PLEKHG1: variants seen among roughly 807,000 people sequenced by gnomAD.
PLEKHG1 encodes the protein pleckstrin homology and RhoGEF domain containing G1, also known as pleckstrin homology domain-containing family G member 1.
In PLEKHG1, 44 loss-of-function variants were observed where a neutral mutation model predicts 100.8. The observed-to-expected ratio is 0.44, with a 90% CI of 0.34 to 0.56. The LOEUF (loss-of-function observed/expected upper bound fraction) is 0.56. Among genes scored for constraint, PLEKHG1 ranks in the 20% least tolerant of loss-of-function variants. PLEKHG1 has a pLI of 0.01. For synonymous variants in PLEKHG1, 640 were observed against 662.5 expected (o/e 0.97, Z 0.52); for missense variants, 1,545 against 1,720.9 (o/e 0.90, Z 1.81).
chr6:150,685,786 C>T (rs1780107815), intron 3 of PLEKHG1, among the ~76,000 whole-genome samples: 1 of 152,102 alleles, frequency 6.6e-6, no homozygotes, highest in Non-Finnish European at 1.5e-5. Flanking sequence ...GGGGAATTTG[C>T]CTACCTCCTG....
intron 1 of PLEKHG1, among the ~76,000 whole-genome samples, chr6:150,723,033 G>A (rs926953614): frequency 2.6e-5 from 4 of 152,108 alleles, no homozygotes; most frequent in East Asian, 1.9e-4. Flanking sequence ...CCTGGCATTC[G>A]TAGGATGTAG....
At chr6:150,704,416 C>T (rs943366252) in intron 3 of PLEKHG1, among the ~76,000 whole-genome samples, 1 of 152,248 alleles carries the variant, frequency 6.6e-6, no homozygotes, top group African/African-American at 2.4e-5. Flanking sequence ...TAGTTCTATT[C>T]ACAATCCTTT....
At chr6:150,677,310 G>GCA (rs1264811029) in intron 3 of PLEKHG1, among the ~76,000 whole-genome samples, 1 of 151,314 alleles carries the variant, frequency 6.6e-6, no homozygotes, top group East Asian at 1.9e-4. Context: ...ACACGCGCGC[G>GCA]CGCACACACA....
chr6:150,644,568 G>A (rs916214341), intron 2 of PLEKHG1, among the ~76,000 whole-genome samples: 2 of 151,944 alleles, frequency 1.3e-5, no homozygotes, highest in Non-Finnish European at 2.9e-5. Flanking sequence ...CTGACCTTGT[G>A]ATCCACCTAC....
At chr6:150,760,290 C>T (rs1453037339) in intron 2 of PLEKHG1, among the ~76,000 whole-genome samples, 1 of 152,198 alleles carries the variant, frequency 6.6e-6, no homozygotes, top group East Asian at 1.9e-4. Flanking sequence ...ATTATAGCCA[C>T]ATTTAATTGT....
rs997979248 is a variant in PLEKHG1 at position 150,600,114 on chromosome 6, G to C, written c.-204+97G>C. 2.5e-4 allele frequency: 41 copies of C among 162,070 alleles called. No homozygotes were observed. Among genetic ancestry groups the C allele is most frequent in the South Asian group, 8.0e-4 (7 of 8,780 alleles). 10.0% of individuals were successfully genotyped at this position (162,070 alleles called of 1,614,324 possible). A position where few individuals can be genotyped will look rare whatever the true frequency, so the allele number is the denominator to read the frequency against. ...GCGGGAGCCCCACATCCGCAGGTGG[G>C]GCCGGGCGGAGCGTGGTACCCGGGC... is the stretch of plus-strand genomic sequence containing the variant. On this transcript the variant is annotated intron_variant, in intron 1 of 3. Coordinates refer to the PLEKHG1 transcript ENST00000367326. This position sits in a 1 kb window ranked among gnomAD's most constrained non-coding sequence, Gnocchi z 6.2.
rs376644879 is a variant in PLEKHG1, at chr6:150,831,181, C to G, written c.2070C>G (p.Ser690=). ...CTCCCTCTAAATCAGCCAGGGACTC[C>G]GTTCGCCCCAAGAGCACCCCAGAGT... The change falls in exon 15 of 16, where the codon TCC becomes TCG. Residue 690 remains serine, a synonymous_variant. Transcript: ENST00000358517. This position sits in a 1 kb window ranked among gnomAD's most constrained non-coding sequence, Gnocchi z 4.1. The G allele has an allele frequency of 1.2e-6, 2 of 1,614,146 alleles. No homozygotes were observed. The highest frequency in any genetic ancestry group is 1.7e-6 in the Non-Finnish European group (2 of 1,180,022).
intron 3 of PLEKHG1, among the ~76,000 whole-genome samples, chr6:150,785,644 T>C (rs577084606): frequency 2.6e-5 from 4 of 152,246 alleles, no homozygotes; most frequent in African/African-American, 9.6e-5. Context: ...TTAGTGTGAT[T>C]TTTCATTGAA....
chr6:150,654,060 G>A (rs1174517389), intron 3 of PLEKHG1, among the ~76,000 whole-genome samples: 1 of 152,138 alleles, frequency 6.6e-6, no homozygotes, highest in Non-Finnish European at 1.5e-5. Context: ...TTTGTTCTGT[G>A]TGCCTTCTTG....
chr6:150,670,796 A>T (rs1250515701), intron 3 of PLEKHG1, among the ~76,000 whole-genome samples: 2 of 152,122 alleles, frequency 1.3e-5, no homozygotes, highest in African/African-American at 4.8e-5. Context: ...TGTTGTTGTT[A>T]TATGAGTAAG....
chr6:150,702,034 G>C (rs1780810635), intron 3 of PLEKHG1, among the ~76,000 whole-genome samples: 1 of 152,194 alleles, frequency 6.6e-6, no homozygotes, highest in Non-Finnish European at 1.5e-5. Flanking sequence ...TTGGAAACTT[G>C]TATCTCACTC....
chr6:150,645,068 T>C (rs1778436283), intron 2 of PLEKHG1, among the ~76,000 whole-genome samples: 1 of 152,224 alleles, frequency 6.6e-6, no homozygotes, highest in Non-Finnish European at 1.5e-5. Context: ...GATTTAGCAA[T>C]GTTATTTATA....
At chr6:150,694,362 ATTG>A (rs1780463069) in intron 3 of PLEKHG1, among the ~76,000 whole-genome samples, 1 of 152,184 alleles carries the variant, frequency 6.6e-6, no homozygotes, top group South Asian at 2.1e-4. Context: ...GCCTTTTAGA[ATTG>A]TTGTGAGCTT....
chr6:150,741,848 G>A (rs1782875214), intron 2 of PLEKHG1, among the ~76,000 whole-genome samples: 1 of 152,226 alleles, frequency 6.6e-6, no homozygotes, highest in African/African-American at 2.4e-5. Flanking sequence ...GGACTGCATA[G>A]TTCTTGGCTA....
chr6:150,650,206 G>A (rs558503746), intron 2 of PLEKHG1, among the ~76,000 whole-genome samples: 9 of 152,138 alleles, frequency 5.9e-5, no homozygotes, highest in African/African-American at 2.2e-4. Context: ...ACTCAGAGAA[G>A]AGTGGCTGTG....
chr6:150,718,391 GT>G (rs1192613788), upstream of PLEKHG1, among the ~76,000 whole-genome samples: 9 of 152,040 alleles, frequency 5.9e-5, no homozygotes, highest in African/African-American at 2.2e-4. Context: ...AAATACTGAA[GT>G]GTAGAAGGCG....
At chr6:150,762,844 C>A (rs1261653611) in intron 2 of PLEKHG1, among the ~76,000 whole-genome samples, 1 of 152,038 alleles carries the variant, frequency 6.6e-6, no homozygotes, top group Non-Finnish European at 1.5e-5. Flanking sequence ...TTTTATTATA[C>A]CCTGTTCAGT....
rs146891218 is a variant in PLEKHG1, at chr6:150,831,953, G to C, written c.2842G>C (p.Asp948His). 5 of 1,613,528 alleles carry C rather than the reference G, an allele frequency of 3.1e-6. No individual in the cohort carries two copies. The highest frequency in any genetic ancestry group is 4.5e-5 in the East Asian group (2 of 44,884). The change falls in exon 15 of 16, where the codon GAC (aspartate) becomes CAC (histidine). Residue 948 changes from aspartate (D) to histidine (H), a missense_variant. Transcript: ENST00000358517. The surrounding 1 kb of genome is among the most constrained non-coding windows in gnomAD (Gnocchi z 4.1). Reference sequence around the variant, plus strand: ...AATGCCCCTCATGGACAATCCCTACGACCTGGCCAACAGTGGCCTGTCTCA... The same window carrying C: ...AATGCCCCTCATGGACAATCCCTACCACCTGGCCAACAGTGGCCTGTCTCA...
At chr6:150,709,644 AGAAGATAAAATTGTCTGG>A (rs1781171552) in intron 3 of PLEKHG1, among the ~76,000 whole-genome samples, 2 of 152,340 alleles carry the variant, frequency 1.3e-5, no homozygotes, top group South Asian at 4.2e-4. Context: ...GCCTTGTCCA[AGAAGATAAAATTGTCTGG>A]GAGAGCTGAG....
Sources: gnomAD v4.1 joint callset for allele counts (sites outside exome capture counted in the v4.1 genomes callset) on GRCh38, gnomAD v4.1.1 for gene constraint, Gnocchi (gnomAD v3.1) non-coding constraint, MANE v1.5 for transcripts, NCBI Gene and HGNC (gene_info 2026-07-23, HGNC 2026-07-21) for gene names.